The following NCKAP5 variants were observed in gnomAD, a reference collection of about 807,000 sequenced individuals.
NCKAP5 encodes NCK associated protein 5.
Under a neutral mutation model 167.0 loss-of-function variants are expected in NCKAP5, and 92 were observed. The observed-to-expected ratio is 0.55, with a 90% confidence interval of 0.47 to 0.66. The LOEUF (loss-of-function observed/expected upper bound fraction) is 0.66. NCKAP5 is among the 30% of genes least tolerant of loss of function. NCKAP5 has a pLI of 0.00. For synonymous variants in NCKAP5, 891 were observed against 877.4 expected, an observed-to-expected ratio of 1.02 and a Z score of -0.27; for missense variants, 2,378 against 2,315.0, an observed-to-expected ratio of 1.03 and a Z score of -0.56.
intron 3 of NCKAP5, among the ~76,000 whole-genome samples, chr2:133,449,095 T>A (rs1691391868): frequency 6.6e-6 from 1 of 152,228 alleles, no homozygotes; most frequent in Admixed American, 6.5e-5. Flanking sequence ...GCACTTATCA[T>A]ATTGTATAAA....
chr2:133,185,138 TA>T (rs2084891905), intron 5 of NCKAP5, among the ~76,000 whole-genome samples: 1 of 152,136 alleles, frequency 6.6e-6, no homozygotes, highest in South Asian at 2.1e-4. Flanking sequence ...AATTTCTGTA[TA>T]GGATGAGAGC....
chr2:132,784,718 A>G lies in NCKAP5; in HGVS notation c.2093T>C (p.Ile698Thr). The part of the protein sequence containing the change: ...VVTVTRNEIS[I>T]NSTPAGPKAE... Reference sequence around the variant, plus strand: ...CTTGGGTCCAGCAGGAGTTGAATTGATGGAAATCTCATTTCTGGTAACAGT... The same window carrying G: ...CTTGGGTCCAGCAGGAGTTGAATTGGTGGAAATCTCATTTCTGGTAACAGT... Residue 698 changes from isoleucine (I) to threonine (T), a missense_variant, in exon 14 of 20, where the codon ATC becomes ACC. Coordinates refer to ENST00000409261, the MANE Select transcript of NCKAP5 (RefSeq NM_207363.3). The G allele has an allele frequency of 6.2e-7, 1 of 1,614,018 alleles. No individual in the cohort carries two copies. Among genetic ancestry groups the G allele is most frequent in the Non-Finnish European group, 8.5e-7 (1 of 1,179,878 alleles).
At chr2:132,809,922 C>T (rs1046606337) in intron 11 of NCKAP5, among the ~76,000 whole-genome samples, 3 of 152,096 alleles carry the variant, frequency 2.0e-5, no homozygotes, top group Admixed American at 6.6e-5. Flanking sequence ...TGATGAGTTT[C>T]CAGGATTTGT....
At chr2:133,544,606 T>C (rs532704786) in intron 2 of NCKAP5, among the ~76,000 whole-genome samples, 8 of 152,328 alleles carry the variant, frequency 5.3e-5, no homozygotes, top group East Asian at 3.9e-4. Context: ...TCCTTCCCTG[T>C]TGATGGGCAC....
At chr2:133,442,345 C>G (rs556996367) in intron 3 of NCKAP5, among the ~76,000 whole-genome samples, 2 of 152,318 alleles carry the variant, frequency 1.3e-5, no homozygotes, top group African/African-American at 4.8e-5. Context: ...ACTTGCCCCA[C>G]TCCTCCACCA....
Position 133,547,289 on chromosome 2 carries a change from A to C in NCKAP5, c.-62+11761T>G, listed in dbSNP as rs544178647. Reference sequence around the variant, plus strand: ...CTGAGATCAAACTGCAAGGCGGCAGAGAGGCTGGGGGAGGGGCACCCGCCA... The same window carrying C: ...CTGAGATCAAACTGCAAGGCGGCAGCGAGGCTGGGGGAGGGGCACCCGCCA... On this transcript the variant is annotated intron_variant, in intron 2 of 19. Transcript: ENST00000409261. Among the ~76,000 whole-genome samples the C allele has an allele frequency of 5.1e-4, 77 of 152,266 alleles. 2 individuals are homozygous for C. The East Asian group carries it at 0.01, about 21-fold the overall frequency.
intron 3 of NCKAP5, among the ~76,000 whole-genome samples, chr2:133,373,524 C>T (rs965139270): frequency 2.0e-5 from 3 of 152,202 alleles, no homozygotes; most frequent in Admixed American, 6.5e-5. Flanking sequence ...ATCCCAATCA[C>T]AATCCCAGCA....
At chr2:132,824,197 T>C (rs1686963632) in intron 11 of NCKAP5, among the ~76,000 whole-genome samples, 1 of 152,258 alleles carries the variant, frequency 6.6e-6, no homozygotes, top group Non-Finnish European at 1.5e-5. Flanking sequence ...GATTTATATT[T>C]CTTACATAGC....
chr2:133,145,582 TAGGAGGGGAAG>T (rs2083162030), intron 5 of NCKAP5, among the ~76,000 whole-genome samples: 1 of 152,084 alleles, frequency 6.6e-6, no homozygotes. Flanking sequence ...TGAGCTGGCC[TAGGAGGGGAAG>T]AGTAGTAAGT....
At position 133,444,385 on chromosome 2, in the gene NCKAP5, T is replaced by C. The variant is rs551432917; in HGVS notation, c.69+73073A>G. On this transcript the variant is annotated intron_variant, in intron 3 of 19. Coordinates refer to ENST00000409261, the MANE Select transcript of NCKAP5 (RefSeq NM_207363.3). ...ATAGATAGATAGATAGATAGATAGA[T>C]AGATAGATAGATAGATAGATAGATA... 2.7e-5 allele frequency among the ~76,000 whole-genome samples: 4 copies of C among 150,738 alleles called. No individual in the cohort carries two copies. The East Asian group carries it at 5.9e-4, about 22-fold the overall frequency.
intron 11 of NCKAP5, among the ~76,000 whole-genome samples, chr2:132,859,758 G>A (rs2148709750): frequency 6.6e-6 from 1 of 152,288 alleles, no homozygotes; most frequent in Admixed American, 6.5e-5. Flanking sequence ...AAGCTCATGG[G>A]AGCTTGTTTA....
chr2:132,930,539 A>G (rs1696290862), intron 8 of NCKAP5: 1 of 152,212 alleles, frequency 6.6e-6, no homozygotes, highest in Admixed American at 6.5e-5. Context: ...GCAGAAAGGC[A>G]TAGGAGCTCC....
intron 2 of NCKAP5, among the ~76,000 whole-genome samples, chr2:133,555,157 A>C (rs1028236443): frequency 6.6e-6 from 1 of 152,186 alleles, no homozygotes; most frequent in Non-Finnish European, 1.5e-5. Context: ...CCTGTGTTCC[A>C]TTGGGACTCT....
chr2:133,205,105 A>T (rs1320041709), intron 5 of NCKAP5, among the ~76,000 whole-genome samples: 1 of 151,968 alleles, frequency 6.6e-6, no homozygotes, highest in Non-Finnish European at 1.5e-5. Flanking sequence ...CCTGGGCAAC[A>T]TGGTGAAACC....
At chr2:133,474,332 GTGAAATCT>G (rs1679654791) in intron 3 of NCKAP5, among the ~76,000 whole-genome samples, 1 of 152,140 alleles carries the variant, frequency 6.6e-6, no homozygotes, top group Admixed American at 6.5e-5. Flanking sequence ...TCACTTATAT[GTGAAATCT>G]TAAAGAGTTG....
At chr2:132,781,009 T>C in intron 15 of NCKAP5, 43 bp downstream of exon 15, 1 of 1,591,980 alleles carries the variant, frequency 6.3e-7, no homozygotes. Context: ...AGCCAGAACA[T>C]CTCAGATTGT....
At chr2:132,726,500 G>A (rs923318996) in intron 18 of NCKAP5, among the ~76,000 whole-genome samples, 5 of 152,146 alleles carry the variant, frequency 3.3e-5, no homozygotes, top group African/African-American at 9.7e-5. Flanking sequence ...ATCCAGGAGC[G>A]CAACTCCTAT....
chr2:133,453,145 G>A (rs1425621643), intron 3 of NCKAP5, among the ~76,000 whole-genome samples: 2 of 152,112 alleles, frequency 1.3e-5, no homozygotes, highest in African/African-American at 4.8e-5. Flanking sequence ...CATCCTAAGG[G>A]AAGAGTCATT....
chr2:133,035,778 A>G (rs1033635618), intron 6 of NCKAP5, among the ~76,000 whole-genome samples: 12 of 152,038 alleles, frequency 7.9e-5, no homozygotes, highest in African/African-American at 2.9e-4. Flanking sequence ...TTAAAAAACT[A>G]GAAAAGCAAG....
Sources: gnomAD v4.1 joint callset for allele counts (sites outside exome capture counted in the v4.1 genomes callset) on GRCh38, gnomAD v4.1.1 for gene constraint, MANE v1.5 for transcripts, NCBI Gene and HGNC (gene_info 2026-07-23, HGNC 2026-07-21) for gene names.